The following RASGRF2 variants were observed in gnomAD, a reference collection of about 807,000 sequenced individuals.
RASGRF2 encodes the protein Ras protein specific guanine nucleotide releasing factor 2, also known as ras-specific guanine nucleotide-releasing factor 2.
Under a neutral mutation model 151.0 loss-of-function variants are expected in RASGRF2, and 76 were observed. That is an observed-to-expected ratio of 0.50 (90% confidence interval 0.42 to 0.61). The LOEUF (loss-of-function observed/expected upper bound fraction) is 0.61, where lower values mean the gene tolerates loss of function less well. Among genes scored for constraint, RASGRF2 ranks in the 20% least tolerant of loss-of-function variants. RASGRF2 has a pLI of 0.00. For synonymous variants in RASGRF2, 504 were observed against 566.5 expected (o/e 0.89, Z 1.57); for missense variants, 1,148 against 1,564.6 (o/e 0.73, Z 4.49).
intron 1 of RASGRF2, among the ~76,000 whole-genome samples, chr5:80,983,660 G>A (rs1485363865): frequency 6.6e-6 from 1 of 152,180 alleles, no homozygotes; most frequent in African/African-American, 2.4e-5. Context: ...GTTCATTATG[G>A]TAGCCACTAG....
intron 17 of RASGRF2, among the ~76,000 whole-genome samples, chr5:81,173,903 C>T (rs914844796): frequency 1.1e-4 from 17 of 152,156 alleles, no homozygotes; most frequent in Non-Finnish European, 1.5e-5. Context: ...TCACTCAGCA[C>T]CTACACAGTA....
intron 12 of RASGRF2, among the ~76,000 whole-genome samples, chr5:81,105,827 T>C (rs1239964569): frequency 6.6e-6 from 1 of 152,186 alleles, no homozygotes; most frequent in African/African-American, 2.4e-5. Context: ...CCACATAGCT[T>C]GGGAAGAACA....
chr5:81,033,571 G>T (rs1346752001), intron 1 of RASGRF2, among the ~76,000 whole-genome samples: 1 of 146,134 alleles, frequency 6.8e-6, no homozygotes, highest in South Asian at 2.3e-4. Flanking sequence ...TTAATAAATG[G>T]TGCTGGGAAA....
At chr5:81,040,193 G>T (rs1750636039) in intron 1 of RASGRF2, among the ~76,000 whole-genome samples, 1 of 151,986 alleles carries the variant, frequency 6.6e-6, no homozygotes, top group African/African-American at 2.4e-5. Flanking sequence ...TATTTTTGTA[G>T]AAACAGGGTC....
At chr5:80,992,414 A>C (rs1020647117) in intron 1 of RASGRF2, among the ~76,000 whole-genome samples, 2 of 152,082 alleles carry the variant, frequency 1.3e-5, no homozygotes, top group Admixed American at 1.3e-4. Context: ...CTGCAAGTTT[A>C]CTCAATGTAG....
intron 17 of RASGRF2, among the ~76,000 whole-genome samples, chr5:81,173,397 T>A (rs1754703444): frequency 6.6e-6 from 1 of 151,830 alleles, no homozygotes; most frequent in Non-Finnish European, 1.5e-5. Context: ...AATAAACAAA[T>A]AAAGATGGAA....
At chr5:81,187,496 T>C (rs1240762353) in intron 18 of RASGRF2, among the ~76,000 whole-genome samples, 2 of 152,196 alleles carry the variant, frequency 1.3e-5, no homozygotes. Context: ...GCTCCAGCAA[T>C]AAGCCTGCTG....
Position 81,039,301 on chromosome 5 carries a change from A to T in RASGRF2, c.289-3576A>T, listed in dbSNP as rs1393604272. The stretch of plus-strand genomic sequence containing the variant: ...GATTTAAAAGGGATATACCTAAAAT[A>T]TAAAAAGAGAACATTAAAAATAAAG... On this transcript the variant is annotated intron_variant, in intron 1 of 26. Coordinates refer to ENST00000265080, the MANE Select transcript of RASGRF2 (RefSeq NM_006909.3). 2.6e-5 allele frequency among the ~76,000 whole-genome samples: 4 copies of T among 152,292 alleles called. No homozygotes were observed. The East Asian group carries it at 7.7e-4, about 29-fold the overall frequency.
At chr5:81,156,159 A>G (rs531031831) in intron 17 of RASGRF2, among the ~76,000 whole-genome samples, 2 of 152,312 alleles carry the variant, frequency 1.3e-5, no homozygotes, top group South Asian at 2.1e-4. Context: ...AAATCTGAAC[A>G]GAGCTATAAT....
At chr5:81,146,874 A>G (rs1353618291) in intron 17 of RASGRF2, among the ~76,000 whole-genome samples, 1 of 152,196 alleles carries the variant, frequency 6.6e-6, no homozygotes, top group African/African-American at 2.4e-5. Flanking sequence ...ATTATGTACA[A>G]GCTTACTTGA....
In RASGRF2 at chr5:81,073,250, G is replaced by C; in HGVS notation, c.685G>C (p.Val229Leu). ...WLCRRKWKTI[V>L]QDYICSPHAE... is the part of the protein sequence containing the mutation. Reference sequence around the variant, plus strand: ...GTGCAGAAGGAAATGGAAGACCATCGTGCAGGATTACATTTGTTCTCCTCA... The same window carrying C: ...GTGCAGAAGGAAATGGAAGACCATCCTGCAGGATTACATTTGTTCTCCTCA... The change falls in exon 5 of 27, where the codon GTG becomes CTG. Residue 229 changes from valine to leucine, a missense_variant. Val to Leu is a conservative substitution (Grantham distance 32). Coordinates refer to ENST00000265080, the MANE Select transcript of RASGRF2 (RefSeq NM_006909.3). The C allele has an allele frequency of 6.2e-7, 1 of 1,613,932 alleles. No homozygotes were observed. Among genetic ancestry groups the C allele is most frequent in the Non-Finnish European group, 8.5e-7 (1 of 1,179,834 alleles).
chr5:81,197,449 C>A (rs1359822925), intron 18 of RASGRF2, among the ~76,000 whole-genome samples: 1 of 104,080 alleles, frequency 9.6e-6, no homozygotes, highest in African/African-American at 4.0e-5. Flanking sequence ...GGCGACAGAG[C>A]GAGACTCCGT....
intron 20 of RASGRF2, 59 bp downstream of exon 20, chr5:81,206,964 A>G: frequency 7.4e-7 from 1 of 1,348,024 alleles, no homozygotes; most frequent in Non-Finnish European, 1.1e-6. Flanking sequence ...CTCCAAGGCG[A>G]GCAATATGCT....
intron 2 of RASGRF2, among the ~76,000 whole-genome samples, chr5:81,048,805 T>G (rs1440134827): frequency 6.6e-6 from 1 of 152,206 alleles, no homozygotes; most frequent in Non-Finnish European, 1.5e-5. Context: ...TCCAGTCTGT[T>G]TATTCCTCGC....
chr5:81,096,595 T>G (rs1752554513), intron 12 of RASGRF2: 1 of 152,206 alleles, frequency 6.6e-6, no homozygotes, highest in African/African-American at 2.4e-5. Flanking sequence ...TTCTACCTTC[T>G]ACCTTATGAT....
At chr5:81,047,701 G>A (rs1203135957) in intron 2 of RASGRF2, among the ~76,000 whole-genome samples, 1 of 152,260 alleles carries the variant, frequency 6.6e-6, no homozygotes, top group Non-Finnish European at 1.5e-5. Flanking sequence ...CACCCTGTCA[G>A]TCTCCAACCT....
intron 1 of RASGRF2, among the ~76,000 whole-genome samples, chr5:80,968,418 A>G (rs1747793848): frequency 1.3e-5 from 2 of 152,138 alleles, no homozygotes; most frequent in South Asian, 2.1e-4. Flanking sequence ...TCACTTGTAA[A>G]TAAGGAACTT....
At position 80,982,444 on chromosome 5, in the gene RASGRF2, G is replaced by C. The variant is rs1368245525; in HGVS notation, c.288+21418G>C. Among the ~76,000 whole-genome samples the C allele has an allele frequency of 6.7e-5, 6 of 89,564 alleles. No individual in the cohort carries two copies. In the Admixed American group the frequency reaches 7.2e-4, roughly 11 times the overall value. The allele number at this position is 89,564 out of a possible 152,430, so 58.8% of individuals were successfully genotyped here. ...TGAAAGAGCCATGTTTAACCTGTAGGAAGAAGGAAGAACTAGGCTCATTTT... is the reference window on the plus strand; with the variant it reads ...TGAAAGAGCCATGTTTAACCTGTAGCAAGAAGGAAGAACTAGGCTCATTTT... On this transcript the variant is annotated intron_variant, in intron 1 of 26. Transcript: ENST00000265080.
intron 1 of RASGRF2, among the ~76,000 whole-genome samples, chr5:80,973,502 A>G (rs1309147789): frequency 6.6e-6 from 1 of 152,182 alleles, no homozygotes; most frequent in Admixed American, 6.5e-5. Flanking sequence ...TCTGGAAGGG[A>G]CAAGGGCACT....
Sources: gnomAD v4.1 joint callset for allele counts (sites outside exome capture counted in the v4.1 genomes callset) on GRCh38, gnomAD v4.1.1 for gene constraint, MANE v1.5 for transcripts, NCBI Gene and HGNC (gene_info 2026-07-23, HGNC 2026-07-21) for gene names.